Variants in SLC1A3 observed in about 807,000 individuals in gnomAD.
The protein encoded by SLC1A3 is excitatory amino acid transporter 1.
SLC1A3 carries 21 observed loss-of-function variants against 48.1 expected under a neutral mutation model. The ratio of observed to expected loss-of-function variants is 0.44; its 90% confidence interval spans 0.31 to 0.63. The LOEUF (loss-of-function observed/expected upper bound fraction) is 0.63. Among genes scored for constraint, SLC1A3 ranks in the 20% least tolerant of loss-of-function variants. The pLI is 0.08. For missense variants in SLC1A3, 546 were observed against 689.0 expected, an observed-to-expected ratio of 0.79 and a Z score of 2.32; for synonymous variants, 239 against 251.4, an observed-to-expected ratio of 0.95 and a Z score of 0.47.
intron 8 of SLC1A3, among the ~76,000 whole-genome samples, chr5:36,681,981 G>GT (rs1742459614): frequency 6.6e-6 from 1 of 152,090 alleles, no homozygotes; most frequent in South Asian, 2.1e-4. Context: ...AATTGCAAAC[G>GT]TTTTGCCATT....
chr5:36,644,323 A>C (rs1740752655), intron 3 of SLC1A3, among the ~76,000 whole-genome samples: 1 of 152,248 alleles, frequency 6.6e-6, no homozygotes, highest in Non-Finnish European at 1.5e-5. Flanking sequence ...TGTGCATTTC[A>C]TATTTCAAAA....
At chr5:36,616,765 G>A (rs996480898) in intron 2 of SLC1A3, among the ~76,000 whole-genome samples, 19 of 152,102 alleles carry the variant, frequency 1.2e-4, no homozygotes, top group African/African-American at 4.1e-4. Context: ...ACAAAAGCCC[G>A]GGTTTCTTGT....
chr5:36,680,444 G>A lies in SLC1A3; in HGVS notation c.1144G>A (p.Val382Met), dbSNP rs199787096. 142 of 1,614,190 alleles carry A rather than the reference G, an allele frequency of 8.8e-5. No homozygotes were observed. The highest frequency in any genetic ancestry group is 1.6e-4 in the Middle Eastern group (1 of 6,062). The change falls in exon 8 of 10, where the codon GTG becomes ATG. Residue 382 changes from valine to methionine, a missense_variant. Val to Met is a conservative substitution (Grantham distance 21). Coordinates refer to ENST00000265113, the MANE Select transcript of SLC1A3 (RefSeq NM_004172.5). Reference sequence around the variant, plus strand: ...CAAGTGCCTGGAAGAGAACAATGGCGTGGACAAGCGCGTCACCAGATTCGT... The same window carrying A: ...CAAGTGCCTGGAAGAGAACAATGGCATGGACAAGCGCGTCACCAGATTCGT... The part of the protein sequence containing the change: ...TFKCLEENNG[V>M]DKRVTRFVLP...
chr5:36,656,274 A>G (rs1355749878), intron 3 of SLC1A3, among the ~76,000 whole-genome samples: 1 of 152,168 alleles, frequency 6.6e-6, no homozygotes, highest in Non-Finnish European at 1.5e-5. Flanking sequence ...GAGGTTGCAT[A>G]ATGTCTCAGG....
intron 3 of SLC1A3, among the ~76,000 whole-genome samples, chr5:36,631,783 A>G (rs1229993559): frequency 6.6e-6 from 1 of 152,244 alleles, no homozygotes; most frequent in African/African-American, 2.4e-5. Flanking sequence ...GGATTCAGTA[A>G]GAATGTCCTT....
intron 2 of SLC1A3, chr5:36,608,842 A>G: frequency 7.9e-7 from 1 of 1,261,262 alleles, no homozygotes; most frequent in South Asian, 2.7e-5. Flanking sequence ...TGTGAGGAAG[A>G]AAAATAAATA....
At chr5:36,643,536 C>A (rs1031213273) in intron 3 of SLC1A3, among the ~76,000 whole-genome samples, 3 of 152,070 alleles carry the variant, frequency 2.0e-5, no homozygotes, top group Admixed American at 6.6e-5. Flanking sequence ...GAATTGTAAT[C>A]GTTCTTTATA....
intron 2 of SLC1A3, chr5:36,609,348 G>T: frequency 1.3e-6 from 1 of 780,494 alleles, no homozygotes; most frequent in Middle Eastern, 6.4e-4. Context: ...TTAAAATATA[G>T]CTGAAAAAAC....
chr5:36,661,249 T>C (rs904665360), intron 3 of SLC1A3, among the ~76,000 whole-genome samples: 1 of 152,072 alleles, frequency 6.6e-6, no homozygotes, highest in Non-Finnish European at 1.5e-5. Flanking sequence ...CCGTCTCTAC[T>C]AAAAATACAA....
chr5:36,617,986 A>AT (rs11379742), intron 2 of SLC1A3, among the ~76,000 whole-genome samples: 16,769 of 152,138 alleles, frequency 0.11, 1,356 homozygotes, highest in East Asian at 0.29. Context: ...TTTGCTACAA[A>AT]TGTGGGATTT....
At chr5:36,603,363 G>A (rs1738829889), upstream of SLC1A3, among the ~76,000 whole-genome samples, 1 of 152,184 alleles carries the variant, frequency 6.6e-6, no homozygotes, top group Admixed American at 6.5e-5. Flanking sequence ...CTTCTGTTGG[G>A]CCCTGTCCTG....
intron 3 of SLC1A3, among the ~76,000 whole-genome samples, chr5:36,635,027 G>A (rs1482179121): frequency 2.6e-5 from 4 of 152,152 alleles, no homozygotes; most frequent in Non-Finnish European, 4.4e-5. Flanking sequence ...AATCACTTAA[G>A]AGAAATTTAA....
At chr5:36,674,220 C>G in intron 5 of SLC1A3, 129 bp downstream of exon 5, 1 of 792,020 alleles carries the variant, frequency 1.3e-6, no homozygotes, top group African/African-American at 1.7e-5. Flanking sequence ...AGATTAAAAA[C>G]ACTAGCGTTT....
chr5:36,605,715 AT>A (rs564941091), upstream of SLC1A3, among the ~76,000 whole-genome samples: 13 of 151,840 alleles, frequency 8.6e-5, no homozygotes, highest in African/African-American at 1.7e-4. Flanking sequence ...CCTCAAAAAA[AT>A]TTTTTTTTAT....
upstream of SLC1A3, among the ~76,000 whole-genome samples, chr5:36,605,659 C>A (rs965330361): frequency 6.6e-6 from 1 of 152,142 alleles, no homozygotes; most frequent in African/African-American, 2.4e-5. Flanking sequence ...TTCTAATGAA[C>A]CATTTTCTTC....
At chr5:36,639,139 AG>A (rs1331009495) in intron 3 of SLC1A3, among the ~76,000 whole-genome samples, 3 of 152,214 alleles carry the variant, frequency 2.0e-5, no homozygotes, top group African/African-American at 7.2e-5. Context: ...TCAGGCTAGA[AG>A]GACTGAGTTG....
At chr5:36,621,925 G>A (rs1739691378) in intron 2 of SLC1A3, among the ~76,000 whole-genome samples, 2 of 152,086 alleles carry the variant, frequency 1.3e-5, no homozygotes, top group Non-Finnish European at 2.9e-5. Flanking sequence ...ACAATTATAC[G>A]GCAAATTCTT....
chr5:36,644,018 T>TAAAA, intron 3 of SLC1A3, among the ~76,000 whole-genome samples: 1 of 68,428 alleles, frequency 1.5e-5, no homozygotes, highest in Middle Eastern at 6.8e-3. Context: ...TCTCAAAAAA[T>TAAAA]AAATAAATAA....
chr5:36,674,921 C>A (rs915495462), intron 5 of SLC1A3, among the ~76,000 whole-genome samples: 10 of 152,130 alleles, frequency 6.6e-5, no homozygotes, highest in Admixed American at 4.6e-4. Context: ...ATACAAATAC[C>A]TTTTACCATT....
Sources: gnomAD v4.1 joint callset for allele counts (sites outside exome capture counted in the v4.1 genomes callset) on GRCh38, gnomAD v4.1.1 for gene constraint, MANE v1.5 for transcripts, NCBI Gene and HGNC (gene_info 2026-07-23, HGNC 2026-07-21) for gene names.